The following MCM6 variants were observed in gnomAD, a reference collection of about 807,000 sequenced individuals.
MCM6 encodes DNA replication licensing factor MCM6.
A neutral mutation model predicts 94.3 loss-of-function variants in MCM6; 46 were observed. That is an observed-to-expected ratio of 0.49 (90% CI 0.39 to 0.62). The LOEUF is 0.62. Among genes scored for constraint, MCM6 ranks in the 20% least tolerant of loss-of-function variants. The pLI is 0.00. For synonymous variants in MCM6, 335 were observed against 351.9 expected, an observed-to-expected ratio of 0.95 and a Z score of 0.54; for missense variants, 865 against 1,017.9, an observed-to-expected ratio of 0.85 and a Z score of 2.04.
At chr2:135,858,477 A>G (rs1432430180) in intron 9 of MCM6, among the ~76,000 whole-genome samples, 1 of 152,184 alleles carries the variant, frequency 6.6e-6, no homozygotes, top group East Asian at 1.9e-4. Flanking sequence ...ACAGAGCAAG[A>G]CTTCATCACG....
rs1196456271 is a variant in MCM6 at position 135,866,024 on chromosome 2, C to G, written c.927+108G>C. ...GGTTGAGATGGTAGGATCACTTGAG[C>G]CCAGAAAGTGGAGGCTACAGTGAGC... is the stretch of plus-strand genomic sequence containing the variant. On this transcript the variant is annotated intron_variant, in intron 6 of 16. Transcript: ENST00000264156. The G allele has an allele frequency of 2.4e-6, 3 of 1,249,628 alleles. No individual in the cohort carries two copies. The Admixed American group carries it at 7.4e-5, about 31-fold the overall frequency. 77.4% of individuals were successfully genotyped at this position (1,249,628 alleles called of 1,614,324 possible).
chr2:135,866,339 G>A (rs892925129), intron 5 of MCM6, 62 bp from the exon 6 acceptor site: 2 of 1,580,282 alleles, frequency 1.3e-6, no homozygotes, highest in African/African-American at 1.4e-5. Context: ...CATCAAAATT[G>A]CTCAAATAAA....
intron 16 of MCM6, among the ~76,000 whole-genome samples, chr2:135,843,898 T>C (rs922043722): frequency 4.6e-5 from 7 of 152,108 alleles, no homozygotes; most frequent in African/African-American, 1.7e-4. Flanking sequence ...GTACTGAGAA[T>C]GGCCAGCTGA....
chr2:135,847,983 C>A, intron 14 of MCM6, 70 bp downstream of exon 14: 1 of 1,250,752 alleles, frequency 8.0e-7, no homozygotes. Context: ...AGGTGTACTT[C>A]TACCACATGA....
chr2:135,873,775 G>T (rs1680247351), intron 1 of MCM6, among the ~76,000 whole-genome samples: 2 of 152,190 alleles, frequency 1.3e-5, no homozygotes, highest in Admixed American at 1.3e-4. Flanking sequence ...AGACAAGAAA[G>T]ATGTTCCTGT....
intron 15 of MCM6, 76 bp downstream of exon 15, chr2:135,846,161 G>A: frequency 1.4e-6 from 2 of 1,415,040 alleles, no homozygotes; most frequent in Non-Finnish European, 2.0e-6. Flanking sequence ...CACGAAGTTT[G>A]GCAATCACAA....
chr2:135,862,842 A>C, intron 7 of MCM6, 94 bp from the exon 8 acceptor site: 1 of 1,339,096 alleles, frequency 7.5e-7, no homozygotes. Flanking sequence ...TTACCAACCG[A>C]AAGGCAGAGT....
intron 7 of MCM6, among the ~76,000 whole-genome samples, 198 bp downstream of exon 7, chr2:135,864,815 T>G (rs1680061104): frequency 1.3e-5 from 2 of 152,180 alleles, no homozygotes; most frequent in Admixed American, 6.5e-5. Context: ...ACCTCTATCC[T>G]ACCGTGTCTC....
intron 5 of MCM6, 29 bp downstream of exon 5, chr2:135,866,534 T>C (rs1328220478): frequency 1.3e-6 from 2 of 1,588,808 alleles, no homozygotes; most frequent in East Asian, 2.2e-5. Flanking sequence ...AACTGAGAAT[T>C]TGTTAAATTT....
chr2:135,841,386 A>C (rs1374799258), intron 16 of MCM6, among the ~76,000 whole-genome samples: 1 of 152,224 alleles, frequency 6.6e-6, no homozygotes, highest in Non-Finnish European at 1.5e-5. Flanking sequence ...TAGGAGAAGA[A>C]TCTATGAAAA....
intron 15 of MCM6, 131 bp downstream of exon 15, chr2:135,846,106 A>C (rs967306263): frequency 2.3e-6 from 2 of 853,408 alleles, no homozygotes; most frequent in African/African-American, 3.4e-5. Context: ...TTACTTTGCT[A>C]AAGTGAGTTT....
intron 11 of MCM6, among the ~76,000 whole-genome samples, chr2:135,853,976 T>C (rs1558757312): frequency 2.0e-5 from 3 of 152,286 alleles, no homozygotes; most frequent in African/African-American, 7.2e-5. Flanking sequence ...CCTGTAATCC[T>C]AGCACTTTGA....
At chr2:135,851,082 T>C (rs185707784) in intron 13 of MCM6, among the ~76,000 whole-genome samples, 1 of 152,316 alleles carries the variant, frequency 6.6e-6, no homozygotes, top group East Asian at 1.9e-4. Context: ...AGGGGCTACA[T>C]TATCTTATCT....
At chr2:135,850,059 C>T (rs1330414518) in intron 13 of MCM6, among the ~76,000 whole-genome samples, 3 of 151,982 alleles carry the variant, frequency 2.0e-5, no homozygotes, top group Admixed American at 2.0e-4. Flanking sequence ...TGCCCTAAGA[C>T]ATGTACCAGT....
chr2:135,874,935 A>G (rs1258372581), intron 1 of MCM6, among the ~76,000 whole-genome samples: 1 of 152,212 alleles, frequency 6.6e-6, no homozygotes, highest in Non-Finnish European at 1.5e-5. Flanking sequence ...GACAAATACT[A>G]CACGCTTCCA....
intron 16 of MCM6, among the ~76,000 whole-genome samples, chr2:135,841,873 G>A (rs1679578983): frequency 6.6e-6 from 1 of 152,180 alleles, no homozygotes; most frequent in South Asian, 2.1e-4. Context: ...GGGAGGCTGA[G>A]GTGGGTGGAT....
At chr2:135,870,496 CT>C (rs1680180180) in intron 2 of MCM6, 135 bp from the exon 3 acceptor site, 5 of 599,864 alleles carry the variant, frequency 8.3e-6, no homozygotes, top group Non-Finnish European at 1.5e-5. Context: ...GTGTAGGACA[CT>C]TCTATTATCT....
In MCM6 at chr2:135,840,666, G is replaced by C; in HGVS notation, c.*169C>G. 1 of 577,100 alleles carries C rather than the reference G, an allele frequency of 1.7e-6. No homozygotes were observed. The highest frequency in any genetic ancestry group is 3.1e-6 in the Non-Finnish European group (1 of 322,354). The allele number at this position is 577,100 out of a possible 1,614,324, so 35.7% of individuals were successfully genotyped here. A position where few individuals can be genotyped will look rare whatever the true frequency, so the allele number is the denominator to read the frequency against. On this transcript the variant is annotated 3_prime_UTR_variant, in exon 17 of 17. Coordinates refer to ENST00000264156, the MANE Select transcript of MCM6 (RefSeq NM_005915.6). ...TGAAGCCTGTGTTGGTATGAAACCT[G>C]TGATGAATGTGACACATAGGACCAT... is the stretch of plus-strand genomic sequence containing the variant.
chr2:135,851,210 G>A lies in MCM6; in HGVS notation c.1917+192C>T, dbSNP rs540690430. On this transcript the variant is annotated intron_variant, in intron 13 of 16. Transcript: ENST00000264156. ...GCACTCTATAAACTATGACGTGATCGTCTCCGTCTAACAACTACACTCAAA... is the reference window on the plus strand; with the variant it reads ...GCACTCTATAAACTATGACGTGATCATCTCCGTCTAACAACTACACTCAAA... 3.3e-5 allele frequency among the ~76,000 whole-genome samples: 5 copies of A among 152,270 alleles called. No individual in the cohort carries two copies. In the East Asian group the frequency reaches 5.8e-4, roughly 18 times the overall value.
Sources: gnomAD v4.1 joint callset for allele counts (sites outside exome capture counted in the v4.1 genomes callset) on GRCh38, gnomAD v4.1.1 for gene constraint, MANE v1.5 for transcripts, NCBI Gene and HGNC (gene_info 2026-07-23, HGNC 2026-07-21) for gene names.